The following CDH23 variants were observed in gnomAD, a reference collection of about 807,000 sequenced individuals.
The protein encoded by CDH23 is cadherin-23.
In CDH23, 189 loss-of-function variants were observed where a neutral mutation model predicts 317.1. That is an observed-to-expected ratio of 0.60 (90% CI 0.53 to 0.67). The LOEUF (loss-of-function observed/expected upper bound fraction) is 0.67, where lower values mean the gene tolerates loss of function less well. Ranked by LOEUF, CDH23 falls within the 30% of genes least tolerant of loss-of-function variation. The pLI, the probability that CDH23 is intolerant of heterozygous loss-of-function variation, is 0.00. For synonymous variants in CDH23, 1,839 were observed against 1,876.8 expected, an observed-to-expected ratio of 0.98 and a Z score of 0.52; for missense variants, 4,401 against 4,592.4, an observed-to-expected ratio of 0.96 and a Z score of 1.20.
intron 7 of CDH23, among the ~76,000 whole-genome samples, chr10:71,568,346 G>T (rs528797034): frequency 1.3e-5 from 2 of 152,166 alleles, no homozygotes; most frequent in African/African-American, 2.4e-5. Flanking sequence ...CCCCTCCACC[G>T]CACTGTTTGC....
At chr10:71,398,127 G>C (rs2131879657) in intron 1 of CDH23, among the ~76,000 whole-genome samples, 1 of 152,294 alleles carries the variant, frequency 6.6e-6, no homozygotes, top group East Asian at 1.9e-4. Context: ...TGGCTTTCTC[G>C]GAGCGGGCAC....
chr10:71,495,433 C>T (rs1216261627), intron 3 of CDH23, among the ~76,000 whole-genome samples: 1 of 152,138 alleles, frequency 6.6e-6, no homozygotes, highest in Non-Finnish European at 1.5e-5. Flanking sequence ...TGAAGACAAG[C>T]TGGGTTGGGT....
At chr10:71,593,668 A>G (rs148870888) in intron 9 of CDH23, among the ~76,000 whole-genome samples, 3 of 152,350 alleles carry the variant, frequency 2.0e-5, no homozygotes, top group Admixed American at 6.5e-5. Flanking sequence ...GGGAAACCCC[A>G]GTGACTGGTG....
chr10:71,802,692 G>T (rs1287304973), intron 53 of CDH23, among the ~76,000 whole-genome samples: 4 of 152,186 alleles, frequency 2.6e-5, no homozygotes, highest in Non-Finnish European at 5.9e-5. Flanking sequence ...CTGTGCCAAG[G>T]ATCTAGGATT....
intron 14 of CDH23, among the ~76,000 whole-genome samples, chr10:71,649,877 A>C (rs1863082377): frequency 6.6e-6 from 1 of 152,200 alleles, no homozygotes; most frequent in Non-Finnish European, 1.5e-5. Context: ...ATGAGGAAAC[A>C]GATGAGGCTC....
Position 71,563,915 on chromosome 10 carries a change from A to T in CDH23, c.430-2827A>T, listed in dbSNP as rs7073048. On this transcript the variant is annotated intron_variant, in intron 6 of 69. Transcript: ENST00000224721. ...AGGCACGCACCACCACGCCCAGCTA[A>T]TTTTTGTATTTTTAGTAGAGACGGG... Among the ~76,000 whole-genome samples, 1,167 of 151,956 alleles carry T rather than the reference A, an allele frequency of 7.7e-3. 18 individuals are homozygous for T. Among genetic ancestry groups the T allele is most frequent in the African/African-American group, 0.026 (1,087 of 41,430 alleles).
chr10:71,778,339 G>A, intron 40 of CDH23, 31 bp downstream of exon 40: 2 of 1,613,012 alleles, frequency 1.2e-6, no homozygotes, highest in Non-Finnish European at 1.7e-6. Context: ...CCCAACTTGG[G>A]CTTGGAGGTT....
chr10:71,488,840 T>A (rs537831632), intron 3 of CDH23, among the ~76,000 whole-genome samples: 1 of 152,346 alleles, frequency 6.6e-6, no homozygotes, highest in East Asian at 1.9e-4. Context: ...TTAAAAGATA[T>A]TTTTGCTTAA....
In CDH23 at chr10:71,439,905, C is replaced by G. The variant is rs774995607; in HGVS notation, c.67+7C>G. 6.4e-7 allele frequency: 1 copy of G among 1,566,692 alleles called. No individual in the cohort carries two copies. The highest frequency in any genetic ancestry group is 8.7e-7 in the Non-Finnish European group (1 of 1,154,500). ...CTGATCTCTGGATGCTGGGGTAAGT[C>G]CAGTCCTCCCCGTGTCTATCCCATG... On this transcript the variant is annotated splice_region_variant and intron_variant, in intron 2 of 69. Transcript: ENST00000224721.
intron 14 of CDH23, among the ~76,000 whole-genome samples, chr10:71,648,730 G>A (rs1863023106): frequency 6.6e-6 from 1 of 152,186 alleles, no homozygotes; most frequent in Non-Finnish European, 1.5e-5. Flanking sequence ...CAGAACTGGG[G>A]CAGCTGCTGG....
At chr10:71,766,617 T>C (rs537277271) in intron 38 of CDH23, among the ~76,000 whole-genome samples, 1 of 152,302 alleles carries the variant, frequency 6.6e-6, no homozygotes, top group South Asian at 2.1e-4. Flanking sequence ...AGAGCTGTCT[T>C]ATGACCATGT....
intron 11 of CDH23, among the ~76,000 whole-genome samples, chr10:71,625,396 T>TAAAAAAAAAAA (rs1156772192): frequency 5.1e-5 from 1 of 19,796 alleles, no homozygotes; most frequent in Non-Finnish European, 1.0e-4. Context: ...CCAAATAAAT[T>TAAAAAAAAAAA]AAAAAAAAAA....
rs1864696694 is a variant in CDH23 at position 71,682,522 on chromosome 10, G to A, written c.1936G>A (p.Ala646Thr). Reference protein sequence around the residue: ...LIYLTVMAMDAGNPPLNSTVP... With the variant: ...LIYLTVMAMDTGNPPLNSTVP... ...TTATCTGACGGTCATGGCCATGGAT[G>A]CTGGCAACCCCCCTCTCAACAGCAC... Residue 646 changes from alanine to threonine, a missense_variant, in exon 18 of 70, where the codon GCT (alanine) becomes ACT (threonine). Ala to Thr is a moderately conservative substitution (Grantham distance 58). Around this residue, in one of 3 missense-constraint regions of CDH23, gnomAD observed 3,068 missense variants for 3,203.3 expected, o/e 0.96. Coordinates refer to ENST00000224721, the MANE Select transcript of CDH23 (RefSeq NM_022124.6). 6 of 1,613,714 alleles carry A rather than the reference G, an allele frequency of 3.7e-6. No homozygotes were observed. Among genetic ancestry groups the A allele is most frequent in the Non-Finnish European group, 5.1e-6 (6 of 1,179,772 alleles).
rs1024199901 is a variant in CDH23, at chr10:71,812,860, G to A, written c.9603G>A (p.Leu3201=). Residue 3201 remains leucine (L), a synonymous_variant, in exon 68 of 70, where the codon CTG becomes CTA. Coordinates refer to ENST00000224721, the MANE Select transcript of CDH23 (RefSeq NM_022124.6). ...AGGAGTATGACAACATTGCCAAGCT[G>A]GGCCAGATCATTCGTGAGGGGCCAA... ...AIQEYDNIAK[L]GQIIREGPIK... is the part of the protein sequence containing the mutation. The A allele has an allele frequency of 6.2e-7, 1 of 1,613,700 alleles. No individual in the cohort carries two copies. Among genetic ancestry groups the A allele is most frequent in the Admixed American group, 1.7e-5 (1 of 59,986 alleles).
intron 28 of CDH23, chr10:71,716,350 A>G (rs889567606): frequency 6.8e-7 from 1 of 1,465,124 alleles, no homozygotes. Context: ...CTCCTGCAAC[A>G]GCAACAAGAC....
intron 38 of CDH23, among the ~76,000 whole-genome samples, chr10:71,742,309 C>T (rs1453356463): frequency 3.3e-5 from 5 of 152,200 alleles, no homozygotes; most frequent in African/African-American, 2.4e-5. Context: ...CACCAATGTG[C>T]ATGGTGGTGT....
At chr10:71,472,695 C>A (rs1851580871) in intron 3 of CDH23, among the ~76,000 whole-genome samples, 1 of 152,160 alleles carries the variant, frequency 6.6e-6, no homozygotes, top group Non-Finnish European at 1.5e-5. Flanking sequence ...CTGGGGTTGC[C>A]AAGGGAGGGG....
At chr10:71,489,233 C>G (rs1393215854) in intron 3 of CDH23, among the ~76,000 whole-genome samples, 4 of 152,146 alleles carry the variant, frequency 2.6e-5, no homozygotes. Flanking sequence ...TTTATTGTAT[C>G]CTCCATTCTT....
At chr10:71,591,807 G>T (rs1459070848) in intron 9 of CDH23, among the ~76,000 whole-genome samples, 1 of 152,058 alleles carries the variant, frequency 6.6e-6, no homozygotes, top group Admixed American at 6.5e-5. Flanking sequence ...CCTGGCCCAG[G>T]GCAGGTGCTC....
Sources: gnomAD v4.1 joint callset for allele counts (sites outside exome capture counted in the v4.1 genomes callset) on GRCh38, gnomAD v4.1.1 for gene constraint, gnomAD v4.1.1 regional missense constraint, MANE v1.5 for transcripts, NCBI Gene and HGNC (gene_info 2026-07-23, HGNC 2026-07-21) for gene names.